Variants in SAMD5 observed in about 807,000 individuals in gnomAD.
SAMD5 encodes sterile alpha motif domain containing 5, also known as sterile alpha motif domain-containing protein 5.
Under a neutral mutation model 11.3 loss-of-function variants are expected in SAMD5, and 13 were observed. The observed-to-expected ratio is 1.15, with a 90% CI of 0.75 to 1.83. The LOEUF is 1.83. SAMD5 is among the 40% of genes most tolerant of loss of function. SAMD5 has a pLI of 0.00. For missense variants in SAMD5, 255 were observed against 239.1 expected, an observed-to-expected ratio of 1.07 and a Z score of -0.44; for synonymous variants, 129 against 111.3, an observed-to-expected ratio of 1.16 and a Z score of -1.00.
At chr6:147,850,788 T>G in the SAMD5 span, among the ~76,000 whole-genome samples, 4 of 151,884 alleles carry the variant, frequency 2.6e-5, no homozygotes, top group East Asian at 7.7e-4. Flanking sequence ...AGCGCCTCAG[T>G]CCTGTTTGTG....
Position 147,569,086 on chromosome 6 carries a change from T to A in SAMD5, c.*4630T>A, listed in dbSNP as rs1370647717. Reference sequence around the variant, plus strand: ...TACTAAAAATACAAAAAAAATTAGCTGAGTGTGGTGGTGTGCGCCTGTAAT... The same window carrying A: ...TACTAAAAATACAAAAAAAATTAGCAGAGTGTGGTGGTGTGCGCCTGTAAT... On this transcript the variant is annotated 3_prime_UTR_variant, in exon 2 of 2. Transcript: ENST00000367474. 1 of 176,216 alleles carries A rather than the reference T, an allele frequency of 5.7e-6. No individual in the cohort carries two copies. Among genetic ancestry groups the A allele is most frequent in the African/African-American group, 2.4e-5 (1 of 41,774 alleles). The allele number at this position is 176,216 out of a possible 1,614,324, so 10.9% of individuals were successfully genotyped here. A position where few individuals can be genotyped will look rare whatever the true frequency, so the allele number is the denominator to read the frequency against.
chr6:147,712,398 C>T (rs1308934785), intron 1 of SAMD5, among the ~76,000 whole-genome samples: 2 of 152,178 alleles, frequency 1.3e-5, no homozygotes, highest in Non-Finnish European at 2.9e-5. Context: ...ATCCAGTTTT[C>T]CTCATTTTAC....
chr6:147,509,414 G>C, intron 1 of SAMD5, 27 bp downstream of exon 1: 3 of 1,495,688 alleles, frequency 2.0e-6, no homozygotes, highest in Admixed American at 2.3e-5. Flanking sequence ...CGGGCGGCCC[G>C]GGGCGCGCGG....
chr6:147,584,973 C>CCTGGGTGACAGAGTGAGACTTGGT (rs1362812655), intron 1 of SAMD5, among the ~76,000 whole-genome samples: 1 of 151,830 alleles, frequency 6.6e-6, no homozygotes. Context: ...CTTCAGGATG[C>CCTGGGTGACAGAGTGAGACTTGGT]CTAAATGTAT....
chr6:147,618,341 T>G (rs982261921), intron 1 of SAMD5, among the ~76,000 whole-genome samples: 4 of 152,014 alleles, frequency 2.6e-5, no homozygotes, highest in Admixed American at 2.0e-4. Flanking sequence ...CAGCTCAGTG[T>G]TGGGGGGAGT....
chr6:147,870,048 C>A, the SAMD5 span, among the ~76,000 whole-genome samples: 1 of 152,046 alleles, frequency 6.6e-6, no homozygotes, highest in Admixed American at 6.6e-5. Context: ...TTTTTACATT[C>A]TTTTTTAAAA....
the SAMD5 span, among the ~76,000 whole-genome samples, chr6:147,839,814 A>C: frequency 3.9e-5 from 6 of 152,196 alleles, no homozygotes; most frequent in Non-Finnish European, 8.8e-5. Context: ...AAATGATAGA[A>C]GTGACAGTAT....
chr6:147,537,841 A>T (rs550571056), intron 1 of SAMD5, among the ~76,000 whole-genome samples: 9 of 152,162 alleles, frequency 5.9e-5, no homozygotes, highest in Non-Finnish European at 1.2e-4. Flanking sequence ...CATGAGGCCA[A>T]CTAAATTTGT....
chr6:147,791,182 C>T, the SAMD5 span, among the ~76,000 whole-genome samples: 1 of 152,048 alleles, frequency 6.6e-6, no homozygotes, highest in South Asian at 2.1e-4. Flanking sequence ...GTAATCCCAG[C>T]TACTTGACAG....
chr6:147,651,306 T>C (rs1583124550), intron 1 of SAMD5, among the ~76,000 whole-genome samples: 1 of 152,180 alleles, frequency 6.6e-6, no homozygotes, highest in African/African-American at 2.4e-5. Flanking sequence ...CCACAAACAA[T>C]CCCCACACAT....
intron 1 of SAMD5, among the ~76,000 whole-genome samples, chr6:147,622,969 G>A (rs929721331): frequency 6.6e-6 from 1 of 152,034 alleles, no homozygotes; most frequent in Non-Finnish European, 1.5e-5. Context: ...CACTACCATG[G>A]GAACAGTATG....
chr6:147,823,302 C>T, the SAMD5 span, among the ~76,000 whole-genome samples: 1 of 152,102 alleles, frequency 6.6e-6, no homozygotes, highest in Non-Finnish European at 1.5e-5. Context: ...GACCTTTAAG[C>T]TTCCTAACTA....
intron 1 of SAMD5, among the ~76,000 whole-genome samples, chr6:147,576,122 T>A (rs963197737): frequency 6.6e-6 from 1 of 151,316 alleles, no homozygotes; most frequent in East Asian, 1.9e-4. Context: ...AATATTAGAA[T>A]TCTGTTAAAA....
At chr6:147,829,183 C>T in the SAMD5 span, among the ~76,000 whole-genome samples, 5 of 152,278 alleles carry the variant, frequency 3.3e-5, no homozygotes, top group East Asian at 5.8e-4. Context: ...TTATTCTCAG[C>T]GTTCGAATAA....
chr6:147,833,050 A>C, the SAMD5 span, among the ~76,000 whole-genome samples: 1 of 152,192 alleles, frequency 6.6e-6, no homozygotes, highest in Non-Finnish European at 1.5e-5. Context: ...CAGTCCCTCA[A>C]ATATTTTGAA....
chr6:147,819,258 A>G, the SAMD5 span, among the ~76,000 whole-genome samples: 1 of 152,176 alleles, frequency 6.6e-6, no homozygotes, highest in Non-Finnish European at 1.5e-5. Flanking sequence ...ATTCTCAGTT[A>G]TAAGTGGAGC....
the SAMD5 span, among the ~76,000 whole-genome samples, chr6:147,858,950 A>G: frequency 6.6e-6 from 1 of 152,198 alleles, no homozygotes; most frequent in Admixed American, 6.5e-5. Context: ...ACAACACCAT[A>G]ATAAGTACAA....
At chr6:147,754,865 T>A in the SAMD5 span, among the ~76,000 whole-genome samples, 2 of 151,988 alleles carry the variant, frequency 1.3e-5, no homozygotes, top group Non-Finnish European at 2.9e-5. Context: ...AAAATGAGTT[T>A]ACTGTCAGTG....
intron 1 of SAMD5, among the ~76,000 whole-genome samples, chr6:147,517,690 C>T (rs965532900): frequency 1.3e-5 from 2 of 152,112 alleles, no homozygotes; most frequent in African/African-American, 4.8e-5. Context: ...ATTTCTAGAA[C>T]TCTGATGTCA....
Sources: gnomAD v4.1 joint callset for allele counts (sites outside exome capture counted in the v4.1 genomes callset) on GRCh38, gnomAD v4.1.1 for gene constraint, MANE v1.5 for transcripts, NCBI Gene and HGNC (gene_info 2026-07-23, HGNC 2026-07-21) for gene names.